The following ERC2 variants were observed in gnomAD, a reference collection of about 807,000 sequenced individuals.
ERC2 encodes ERC protein 2.
Under a neutral mutation model 114.8 loss-of-function variants are expected in ERC2, and 42 were observed. The observed-to-expected ratio is 0.37, with a 90% CI of 0.29 to 0.47. The LOEUF is 0.47. Ranked by LOEUF, ERC2 falls within the 20% of genes least tolerant of loss-of-function variation. The pLI, the probability that ERC2 is intolerant of heterozygous loss-of-function variation, is 0.99. For synonymous variants in ERC2, 454 were observed against 425.5 expected (o/e 1.07, Z -0.82); for missense variants, 939 against 1,150.7 (o/e 0.82, Z 2.66).
chr3:56,093,295 G>A (rs2077891541), intron 6 of ERC2, among the ~76,000 whole-genome samples: 1 of 152,042 alleles, frequency 6.6e-6, no homozygotes, highest in Admixed American at 6.6e-5. Flanking sequence ...TATAAATCTG[G>A]ATCAGGTAAA....
At chr3:56,374,889 A>C (rs2059483683) in intron 2 of ERC2, among the ~76,000 whole-genome samples, 1 of 152,196 alleles carries the variant, frequency 6.6e-6, no homozygotes, top group Non-Finnish European at 1.5e-5. Context: ...TCAGTCTTTT[A>C]TTTAATGGTG....
chr3:55,869,878 A>C (rs927698459), intron 14 of ERC2, among the ~76,000 whole-genome samples: 1 of 152,166 alleles, frequency 6.6e-6, no homozygotes, highest in African/African-American at 2.4e-5. Context: ...CAAGAAGAGA[A>C]GGGGGAACCG....
At chr3:55,751,107 G>C (rs2066677932) in intron 14 of ERC2, among the ~76,000 whole-genome samples, 1 of 152,164 alleles carries the variant, frequency 6.6e-6, no homozygotes, top group African/African-American at 2.4e-5. Flanking sequence ...TTACTATCAG[G>C]GTATGTGTGA....
chr3:56,241,633 A>T (rs543666810), intron 3 of ERC2, among the ~76,000 whole-genome samples: 1 of 152,324 alleles, frequency 6.6e-6, no homozygotes, highest in South Asian at 2.1e-4. Flanking sequence ...ATCATAGATC[A>T]TAGAGCTATA....
intron 14 of ERC2, among the ~76,000 whole-genome samples, chr3:55,755,829 G>A (rs1294412320): frequency 2.0e-5 from 3 of 152,088 alleles, no homozygotes; most frequent in Non-Finnish European, 4.4e-5. Flanking sequence ...TCGAACGTTC[G>A]CTTATATACA....
intron 14 of ERC2, among the ~76,000 whole-genome samples, chr3:55,867,129 C>T (rs1319187496): frequency 6.6e-6 from 1 of 151,766 alleles, no homozygotes; most frequent in Non-Finnish European, 1.5e-5. Context: ...TCTTTCTCAA[C>T]ACACTCTCTT....
chr3:55,742,728 A>G (rs1438783404), intron 14 of ERC2, among the ~76,000 whole-genome samples: 1 of 152,194 alleles, frequency 6.6e-6, no homozygotes, highest in African/African-American at 2.4e-5. Context: ...TGGTGACGAA[A>G]GATCCTATTC....
intron 2 of ERC2, among the ~76,000 whole-genome samples, chr3:56,430,455 C>T (rs1559491973): frequency 6.6e-6 from 1 of 152,204 alleles, no homozygotes; most frequent in Non-Finnish European, 1.5e-5. Context: ...AGTTAGATGT[C>T]CATAATCCCT....
chr3:56,283,688 A>T (rs534713630), intron 3 of ERC2, among the ~76,000 whole-genome samples: 2 of 152,374 alleles, frequency 1.3e-5, no homozygotes, highest in African/African-American at 4.8e-5. Context: ...AAAAGTGCAC[A>T]TAGGTAGTGA....
At chr3:56,348,727 T>TAG (rs1200222700) in intron 2 of ERC2, among the ~76,000 whole-genome samples, 5 of 151,982 alleles carry the variant, frequency 3.3e-5, no homozygotes, top group Admixed American at 2.6e-4. Context: ...GGACCCAATA[T>TAG]AGTCCATTTT....
At chr3:55,654,436 G>C (rs1328433358) in intron 17 of ERC2, among the ~76,000 whole-genome samples, 1 of 152,202 alleles carries the variant, frequency 6.6e-6, no homozygotes, top group Admixed American at 6.5e-5. Context: ...CATGCATCTG[G>C]ACAAAATATG....
intron 17 of ERC2, among the ~76,000 whole-genome samples, chr3:55,671,338 T>C (rs2061550546): frequency 1.3e-5 from 2 of 152,236 alleles, no homozygotes; most frequent in African/African-American, 4.8e-5. Flanking sequence ...TATGAACATT[T>C]GTTTTCTTTC....
chr3:56,093,134 ACTC>A (rs1457795295), intron 6 of ERC2, among the ~76,000 whole-genome samples: 1 of 151,990 alleles, frequency 6.6e-6, no homozygotes, highest in Non-Finnish European at 1.5e-5. Context: ...TCTCTCAAAT[ACTC>A]CTGGAGGATG....
At chr3:55,581,115 G>A (rs1396313442) in intron 17 of ERC2, among the ~76,000 whole-genome samples, 1 of 152,186 alleles carries the variant, frequency 6.6e-6, no homozygotes, top group African/African-American at 2.4e-5. Context: ...AGTGCTGGGT[G>A]ACTCTCACTG....
chr3:56,100,673 C>T (rs1174628064), intron 6 of ERC2, among the ~76,000 whole-genome samples: 4 of 152,128 alleles, frequency 2.6e-5, no homozygotes, highest in African/African-American at 7.2e-5. Flanking sequence ...AGCATCCCTA[C>T]GAACATGAAA....
intron 13 of ERC2, among the ~76,000 whole-genome samples, chr3:55,900,822 T>C (rs1024383111): frequency 6.6e-6 from 1 of 152,230 alleles, no homozygotes; most frequent in Non-Finnish European, 1.5e-5. Context: ...AAAGGAGCCA[T>C]ACTGTAGAAA....
chr3:56,026,305 C>T (rs2074049845), intron 7 of ERC2, among the ~76,000 whole-genome samples: 1 of 152,158 alleles, frequency 6.6e-6, no homozygotes, highest in South Asian at 2.1e-4. Flanking sequence ...CTGCCTCGGC[C>T]TCCCAAAGTG....
chr3:56,216,716 G>A (rs1236569171), intron 3 of ERC2, among the ~76,000 whole-genome samples: 1 of 152,168 alleles, frequency 6.6e-6, no homozygotes. Flanking sequence ...CAATATCCTT[G>A]AGGAACATCG....
chr3:55,906,091 G>A (rs2064417905), intron 13 of ERC2, among the ~76,000 whole-genome samples: 1 of 152,024 alleles, frequency 6.6e-6, no homozygotes, highest in Admixed American at 6.6e-5. Flanking sequence ...CTGAGGCCTG[G>A]CACATGGCTG....
Sources: gnomAD v4.1 joint callset for allele counts (sites outside exome capture counted in the v4.1 genomes callset) on GRCh38, gnomAD v4.1.1 for gene constraint, MANE v1.5 for transcripts, NCBI Gene and HGNC (gene_info 2026-07-23, HGNC 2026-07-21) for gene names.